Variants in FHIT observed in about 807,000 individuals in gnomAD.
FHIT encodes the protein fragile histidine triad diadenosine triphosphatase.
In FHIT, 19 loss-of-function variants were observed where a neutral mutation model predicts 17.9. The observed-to-expected ratio is 1.06, with a 90% CI of 0.74 to 1.56. The LOEUF (loss-of-function observed/expected upper bound fraction) is 1.56, where lower values mean the gene tolerates loss of function less well. FHIT is among the 40% of genes most tolerant of loss of function. The pLI is 0.00. For synonymous variants in FHIT, 81 were observed against 69.7 expected, an observed-to-expected ratio of 1.16 and a Z score of -0.81; for missense variants, 248 against 189.2, an observed-to-expected ratio of 1.31 and a Z score of -1.82.
chr3:61,212,767 C>T (rs1291613371), intron 1 of FHIT, among the ~76,000 whole-genome samples: 1 of 152,160 alleles, frequency 6.6e-6, no homozygotes, highest in African/African-American at 2.4e-5. Context: ...GTCGGGTTAC[C>T]CACAAAGGGA....
At chr3:60,627,389 T>C (rs575101580) in intron 4 of FHIT, among the ~76,000 whole-genome samples, 12 of 152,264 alleles carry the variant, frequency 7.9e-5, no homozygotes, top group African/African-American at 2.6e-4. Flanking sequence ...GAATCAGTTT[T>C]GTTTGTATCT....
chr3:60,531,022 C>A (rs568068001), intron 5 of FHIT, among the ~76,000 whole-genome samples: 1 of 152,114 alleles, frequency 6.6e-6, no homozygotes, highest in Non-Finnish European at 1.5e-5. Context: ...CAATAATCTG[C>A]CAAATGAAGT....
chr3:60,455,618 G>A (rs2032040554), intron 5 of FHIT, among the ~76,000 whole-genome samples: 1 of 152,010 alleles, frequency 6.6e-6, no homozygotes, highest in African/African-American at 2.4e-5. Context: ...CCTAAAAAGA[G>A]TCATTTAACT....
At chr3:61,213,646 C>G (rs528395316) in intron 1 of FHIT, among the ~76,000 whole-genome samples, 25 of 152,288 alleles carry the variant, frequency 1.6e-4, no homozygotes, top group African/African-American at 6.0e-4. Flanking sequence ...CAGCTCTGCA[C>G]CAAGCAGACC....
At chr3:60,806,623 A>G (rs1701398958) in intron 4 of FHIT, among the ~76,000 whole-genome samples, 1 of 152,244 alleles carries the variant, frequency 6.6e-6, no homozygotes, top group South Asian at 2.1e-4. Context: ...TTCTCTTAAG[A>G]TACTTAACAC....
At chr3:60,537,168 T>A (rs1232293884) in intron 4 of FHIT, among the ~76,000 whole-genome samples, 189 bp from the exon 5 acceptor site, 2 of 152,030 alleles carry the variant, frequency 1.3e-5, no homozygotes, top group Non-Finnish European at 2.9e-5. Flanking sequence ...CCACTCTCCC[T>A]ACCAGTGTTT....
intron 3 of FHIT, among the ~76,000 whole-genome samples, chr3:60,877,108 G>A (rs1181421056): frequency 3.9e-5 from 6 of 152,162 alleles, no homozygotes; most frequent in Non-Finnish European, 5.9e-5. Flanking sequence ...AGGCCACACA[G>A]CCACACTCAC....
chr3:61,094,730 C>T (rs760021496), intron 2 of FHIT, among the ~76,000 whole-genome samples: 1 of 152,112 alleles, frequency 6.6e-6, no homozygotes, highest in Admixed American at 6.5e-5. Context: ...TCCTTGAACA[C>T]AAGCACCATG....
intron 5 of FHIT, among the ~76,000 whole-genome samples, chr3:60,197,714 C>A (rs1248652448): frequency 1.3e-5 from 2 of 152,216 alleles, no homozygotes; most frequent in Non-Finnish European, 2.9e-5. Flanking sequence ...AAAAACATTT[C>A]TTCTTTGTAT....
chr3:61,244,451 G>A (rs2106938130), intron 1 of FHIT, among the ~76,000 whole-genome samples: 1 of 152,282 alleles, frequency 6.6e-6, no homozygotes, highest in Admixed American at 6.5e-5. Flanking sequence ...AATTGCATGG[G>A]ATGAAATATA....
At chr3:59,982,364 T>C (rs558365432) in intron 7 of FHIT, among the ~76,000 whole-genome samples, 1 of 151,816 alleles carries the variant, frequency 6.6e-6, no homozygotes, top group East Asian at 1.9e-4. Context: ...TCAAGTGAAA[T>C]CACAGAAGAA....
At chr3:60,431,562 T>C (rs1286960051) in intron 5 of FHIT, among the ~76,000 whole-genome samples, 1 of 152,136 alleles carries the variant, frequency 6.6e-6, no homozygotes, top group Non-Finnish European at 1.5e-5. Flanking sequence ...TTTAAGTATA[T>C]ATTTTAATTA....
chr3:60,667,005 C>G (rs1240223104), intron 4 of FHIT, among the ~76,000 whole-genome samples: 1 of 147,498 alleles, frequency 6.8e-6, no homozygotes, highest in Non-Finnish European at 1.5e-5. Flanking sequence ...CAGGTGTGCA[C>G]CACCATGCCT....
At chr3:60,858,844 G>C (rs1240080737) in intron 3 of FHIT, among the ~76,000 whole-genome samples, 1 of 152,114 alleles carries the variant, frequency 6.6e-6, no homozygotes, top group African/African-American at 2.4e-5. Flanking sequence ...AATCCCTCTG[G>C]ACTACAGAAA....
intron 5 of FHIT, among the ~76,000 whole-genome samples, chr3:60,190,686 G>A (rs139169490): frequency 0.033 from 5,017 of 152,098 alleles, 112 homozygotes; most frequent in Middle Eastern, 0.11. Context: ...AATGGGTGCA[G>A]CACACCAGCA....
At chr3:61,048,602 A>G (rs1028570175) in intron 2 of FHIT, among the ~76,000 whole-genome samples, 1 of 152,176 alleles carries the variant, frequency 6.6e-6, no homozygotes, top group Non-Finnish European at 1.5e-5. Context: ...TAGAAATACC[A>G]TTTGACCCAG....
chr3:60,774,009 T>C (rs17680697), intron 4 of FHIT, among the ~76,000 whole-genome samples: 13,721 of 152,310 alleles, frequency 0.09, 828 homozygotes, highest in Admixed American at 0.15. Context: ...AGTCTGGATT[T>C]GGGGTTACAC....
chr3:60,821,756 G>A (rs1268699673), intron 4 of FHIT, among the ~76,000 whole-genome samples, 163 bp downstream of exon 4: 8 of 152,062 alleles, frequency 5.3e-5, no homozygotes, highest in Non-Finnish European at 5.9e-5. Context: ...AATAGAAGTC[G>A]AAAGAGGGTA....
chr3:60,275,573 C>A (rs1450624814), intron 5 of FHIT, among the ~76,000 whole-genome samples: 2 of 152,244 alleles, frequency 1.3e-5, no homozygotes, highest in South Asian at 4.1e-4. Context: ...AGGCATTCAT[C>A]TTATATCCAC....
Sources: allele counts gnomAD v4.1 joint callset (sites outside exome capture counted in the v4.1 genomes callset), GRCh38; gene constraint gnomAD v4.1.1; transcripts MANE v1.5; gene names NCBI Gene and HGNC (gene_info 2026-07-23, HGNC 2026-07-21).